Variants in ADAM22 observed in about 807,000 individuals in gnomAD.
The protein encoded by ADAM22 is ADAM metallopeptidase domain 22.
In ADAM22, 65 loss-of-function variants were observed where a neutral mutation model predicts 144.6. The observed-to-expected ratio is 0.45, with a 90% confidence interval of 0.37 to 0.55. ADAM22 has a LOEUF of 0.55. Ranked by LOEUF, ADAM22 falls within the 20% of genes least tolerant of loss-of-function variation. The probability of loss-of-function intolerance (pLI) is 0.00; values close to 1 mark genes in which losing one functional copy is unlikely to be tolerated. For missense variants in ADAM22, 974 were observed against 1,184.9 expected, an observed-to-expected ratio of 0.82 and a Z score of 2.61; for synonymous variants, 391 against 412.6, an observed-to-expected ratio of 0.95 and a Z score of 0.63.
At position 88,150,971 on chromosome 7, in the gene ADAM22, T is replaced by C. The variant is rs935731695; in HGVS notation, c.1567-10T>C. The C allele has an allele frequency of 1.2e-6, 2 of 1,611,220 alleles. No homozygotes were observed. The highest frequency in any genetic ancestry group is 1.7e-6 in the Non-Finnish European group (2 of 1,177,746). On this transcript the variant is annotated splice_polypyrimidine_tract_variant and intron_variant, in intron 18 of 31. Coordinates refer to ENST00000413139, the MANE Select transcript of ADAM22 (RefSeq NM_001324418.2). ...CTGCATTTCATTCATAGTTGTTCTC[T>C]TTTTCCTAGTGTGCCCCTAATATTC...
In ADAM22 at chr7:88,045,381, AT is replaced by A. The variant is rs550630939; in HGVS notation, c.324-30235del. ...TCTTTCTATGTCTTGCAGTTAGGTT[AT>A]TTTTTTTTTCTTGTTGCTTTCCCAC... On this transcript the variant is annotated intron_variant, in intron 3 of 31. Coordinates refer to ENST00000413139, the MANE Select transcript of ADAM22 (RefSeq NM_001324418.2). 9.8e-4 allele frequency among the ~76,000 whole-genome samples: 147 copies of A among 149,640 alleles called. 2 individuals are homozygous for A. Among genetic ancestry groups the A allele is most frequent in the Middle Eastern group, 6.8e-3 (2 of 292 alleles).
chr7:88,091,737 C>T (rs1819907682), intron 4 of ADAM22, among the ~76,000 whole-genome samples: 2 of 152,260 alleles, frequency 1.3e-5, no homozygotes, highest in East Asian at 3.9e-4. Context: ...GTAGTTTATC[C>T]TCCCTATGGA....
intron 4 of ADAM22, among the ~76,000 whole-genome samples, chr7:88,093,828 T>C (rs1373118632): frequency 6.6e-6 from 1 of 152,178 alleles, no homozygotes; most frequent in East Asian, 1.9e-4. Flanking sequence ...CATGAGCCAC[T>C]GCATCTGGCC....
At chr7:88,023,822 C>A (rs1489470101) in intron 3 of ADAM22, among the ~76,000 whole-genome samples, 1 of 139,576 alleles carries the variant, frequency 7.2e-6, no homozygotes, top group Non-Finnish European at 1.7e-5. Context: ...TAGCTACCCC[C>A]ACTTCCCCCC....
intron 3 of ADAM22, among the ~76,000 whole-genome samples, chr7:88,065,934 T>G (rs1811139387): frequency 6.6e-6 from 1 of 152,186 alleles, no homozygotes; most frequent in South Asian, 2.1e-4. Flanking sequence ...CACTAGGTTT[T>G]CTGATATTAT....
intron 3 of ADAM22, among the ~76,000 whole-genome samples, chr7:88,044,134 A>G (rs934554367): frequency 3.9e-5 from 6 of 152,248 alleles, no homozygotes; most frequent in Admixed American, 6.5e-5. Flanking sequence ...TCAAAATTGT[A>G]GTCAAATAAT....
chr7:88,168,952 C>A (rs769903072), intron 25 of ADAM22, among the ~76,000 whole-genome samples: 44 of 152,176 alleles, frequency 2.9e-4, no homozygotes, highest in Admixed American at 2.9e-3. Context: ...GAATTAGAAT[C>A]AAAATTTTAG....
intron 2 of ADAM22, among the ~76,000 whole-genome samples, chr7:87,975,876 A>G (rs1288302563): frequency 6.6e-6 from 1 of 152,204 alleles, no homozygotes; most frequent in Non-Finnish European, 1.5e-5. Flanking sequence ...TAACTGAAAC[A>G]TCATTTCTGG....
chr7:88,145,485 G>A lies in ADAM22; in HGVS notation c.1463G>A (p.Gly488Asp). 6.2e-7 allele frequency: 1 copy of A among 1,613,524 alleles called. No homozygotes were observed. Among genetic ancestry groups the A allele is most frequent in the Non-Finnish European group, 8.5e-7 (1 of 1,179,594 alleles). ...ACTCAAGACTCTCAATGCAGTGACG[G>A]TCTTTGCTGTAAAAAGTGCAAGGTA... ...TLTQDSQCSD[G>D]LCCKKCKFQP... Residue 488 changes from glycine to aspartate, a missense_variant, in exon 17 of 32, where the codon GGT becomes GAT. By Grantham distance (94) the Gly-to-Asp change is moderately conservative. This residue lies in a region of ADAM22 where 734 missense variants were observed against 950.6 expected (regional missense o/e 0.77). Transcript: ENST00000413139.
At chr7:88,027,394 C>G (rs1160441496) in intron 3 of ADAM22, among the ~76,000 whole-genome samples, 1 of 152,132 alleles carries the variant, frequency 6.6e-6, no homozygotes, top group African/African-American at 2.4e-5. Flanking sequence ...TTTTTAATTA[C>G]AGTTTTGATC....
chr7:88,053,503 G>A (rs182226627), intron 3 of ADAM22, among the ~76,000 whole-genome samples: 2 of 150,454 alleles, frequency 1.3e-5, no homozygotes, highest in Non-Finnish European at 1.5e-5. Context: ...TTAAAGAGAA[G>A]AGGAAATGCT....
At chr7:88,176,574 A>G (rs557484102) in intron 26 of ADAM22, among the ~76,000 whole-genome samples, 21 of 152,262 alleles carry the variant, frequency 1.4e-4, no homozygotes, top group African/African-American at 4.6e-4. Flanking sequence ...AAAACACAAA[A>G]CAAAACTGGG....
At chr7:88,097,302 C>T (rs1364048783) in intron 4 of ADAM22, among the ~76,000 whole-genome samples, 1 of 151,728 alleles carries the variant, frequency 6.6e-6, no homozygotes, top group East Asian at 1.9e-4. Context: ...CAGGTGTGCG[C>T]CATTATGCCC....
At chr7:88,000,897 TC>T (rs926166756) in intron 3 of ADAM22, among the ~76,000 whole-genome samples, 6 of 152,212 alleles carry the variant, frequency 3.9e-5, no homozygotes, top group African/African-American at 1.4e-4. Context: ...GGCTTTGTTT[TC>T]ACCTTGGCCT....
intron 4 of ADAM22, among the ~76,000 whole-genome samples, chr7:88,099,652 A>C (rs4727152): frequency 0.57 from 87,176 of 151,974 alleles, 26,107 homozygotes; most frequent in East Asian, 0.9. Context: ...TTCCATATGT[A>C]ACATTAAATA....
chr7:88,155,873 A>G lies in ADAM22; in HGVS notation c.1788-14A>G. On this transcript the variant is annotated splice_polypyrimidine_tract_variant and intron_variant, in intron 21 of 31. Transcript: ENST00000413139. ...TATTTGGGAAAAGAAGTAATTGGTA[A>G]TCTTTTGATACAGGGATGTGCTTTG... 1 of 1,609,728 alleles carries G rather than the reference A, an allele frequency of 6.2e-7. No homozygotes were observed. Among genetic ancestry groups the G allele is most frequent in the Non-Finnish European group, 8.5e-7 (1 of 1,178,244 alleles).
At chr7:88,053,850 G>T (rs957653225) in intron 3 of ADAM22, among the ~76,000 whole-genome samples, 5 of 150,902 alleles carry the variant, frequency 3.3e-5, no homozygotes, top group African/African-American at 1.2e-4. Context: ...GGTGCTGTGG[G>T]CTGGGCATGG....
intron 3 of ADAM22, among the ~76,000 whole-genome samples, chr7:88,065,838 A>G (rs981515102): frequency 6.6e-6 from 1 of 152,296 alleles, no homozygotes; most frequent in South Asian, 2.1e-4. Context: ...ACAGAATTGC[A>G]GGTTCAAAAG....
intron 3 of ADAM22, among the ~76,000 whole-genome samples, chr7:88,024,818 T>C (rs1015525380): frequency 6.6e-6 from 1 of 151,768 alleles, no homozygotes; most frequent in Non-Finnish European, 1.5e-5. Flanking sequence ...TTTTTGTCCT[T>C]GCGATAGTTT....
Sources: gnomAD v4.1 joint callset for allele counts (sites outside exome capture counted in the v4.1 genomes callset) on GRCh38, gnomAD v4.1.1 for gene constraint, gnomAD v4.1.1 regional missense constraint, MANE v1.5 for transcripts, NCBI Gene and HGNC (gene_info 2026-07-23, HGNC 2026-07-21) for gene names.